Variants in CAMK1D observed in about 807,000 individuals in gnomAD.
CAMK1D encodes calcium/calmodulin dependent protein kinase ID.
CAMK1D carries 9 observed loss-of-function variants against 47.7 expected under a neutral mutation model. That is an observed-to-expected ratio of 0.19 (90% confidence interval 0.11 to 0.33). The LOEUF is 0.33. Ranked by LOEUF, CAMK1D falls within the 10% of genes least tolerant of loss-of-function variation. The pLI is 1.00. For missense variants in CAMK1D, 291 were observed against 488.7 expected, an observed-to-expected ratio of 0.60 and a Z score of 3.81; for synonymous variants, 184 against 184.9, an observed-to-expected ratio of 0.99 and a Z score of 0.04.
intron 2 of CAMK1D, among the ~76,000 whole-genome samples, chr10:12,625,551 G>A (rs1588704860): frequency 1.4e-5 from 2 of 144,756 alleles, no homozygotes; most frequent in Middle Eastern, 3.5e-3. Context: ...GGCTGGTCTC[G>A]AACTCCTGGG....
intron 2 of CAMK1D, among the ~76,000 whole-genome samples, chr10:12,587,907 G>A (rs181340809): frequency 2.6e-5 from 4 of 151,922 alleles, no homozygotes; most frequent in Non-Finnish European, 5.9e-5. Flanking sequence ...ACTTACTGAT[G>A]TATTAAAGAT....
chr10:12,734,509 C>CAT (rs1172658261), intron 3 of CAMK1D, among the ~76,000 whole-genome samples: 89 of 140,562 alleles, frequency 6.3e-4, no homozygotes, highest in African/African-American at 2.3e-3. Context: ...TACACACACA[C>CAT]ATATATATAC....
At position 12,523,757 on chromosome 10, in the gene CAMK1D, G is replaced by A. The variant is rs542724747; in HGVS notation, c.93-29468G>A. Among the ~76,000 whole-genome samples the A allele has an allele frequency of 2.0e-3, 306 of 152,202 alleles. 3 individuals carry two copies. The highest frequency in any genetic ancestry group is 2.9e-3 in the South Asian group (14 of 4,812). ...GTGGAAAGAGAGGGAGAGGGAGACCGTGGGGAGAGGGAGAGGGAGAGGGAG... is the reference window on the plus strand; with the variant it reads ...GTGGAAAGAGAGGGAGAGGGAGACCATGGGGAGAGGGAGAGGGAGAGGGAG... On this transcript the variant is annotated intron_variant, in intron 1 of 10. Coordinates refer to ENST00000619168, the MANE Select transcript of CAMK1D (RefSeq NM_153498.4).
At chr10:12,603,505 T>C (rs948130048) in intron 2 of CAMK1D, among the ~76,000 whole-genome samples, 30 of 152,228 alleles carry the variant, frequency 2.0e-4, no homozygotes, top group Non-Finnish European at 2.9e-5. Flanking sequence ...ACTTCTGCTG[T>C]TGTAATAGGT....
chr10:12,632,849 C>A (rs556900971), intron 2 of CAMK1D, among the ~76,000 whole-genome samples: 7 of 152,284 alleles, frequency 4.6e-5, no homozygotes, highest in South Asian at 4.1e-4. Context: ...CACGCACCAC[C>A]ACGCCCAGCT....
chr10:12,386,031 C>T (rs1462670507), intron 1 of CAMK1D, among the ~76,000 whole-genome samples: 2 of 152,186 alleles, frequency 1.3e-5, no homozygotes, highest in African/African-American at 4.8e-5. Context: ...CAGGCGTGAG[C>T]CACTGTGTCT....
intron 1 of CAMK1D, among the ~76,000 whole-genome samples, chr10:12,487,874 C>G (rs953828149): frequency 6.6e-6 from 1 of 152,146 alleles, no homozygotes; most frequent in African/African-American, 2.4e-5. Flanking sequence ...CATAAAAATA[C>G]CTATTTAATA....
At chr10:12,553,646 C>T (rs1264931334) in intron 2 of CAMK1D, among the ~76,000 whole-genome samples, 2 of 152,152 alleles carry the variant, frequency 1.3e-5, no homozygotes, top group African/African-American at 2.4e-5. Flanking sequence ...GACCGTGGGC[C>T]GGCTACAGAG....
At chr10:12,630,964 T>C (rs1354649960) in intron 2 of CAMK1D, among the ~76,000 whole-genome samples, 1 of 152,132 alleles carries the variant, frequency 6.6e-6, no homozygotes, top group Non-Finnish European at 1.5e-5. Context: ...GGTGATGCAT[T>C]ATCTTACGAC....
intron 6 of CAMK1D, among the ~76,000 whole-genome samples, chr10:12,813,407 A>ATGAACC (rs1358892609): frequency 3.9e-5 from 6 of 152,242 alleles, no homozygotes; most frequent in African/African-American, 7.2e-5. Flanking sequence ...CTGAAATAAA[A>ATGAACC]TGAACCTGGA....
intron 2 of CAMK1D, among the ~76,000 whole-genome samples, chr10:12,609,016 T>C (rs544055998): frequency 6.6e-6 from 1 of 152,362 alleles, no homozygotes; most frequent in African/African-American, 2.4e-5. Context: ...GTTTTGCTTA[T>C]TGTTGCTGTA....
intron 1 of CAMK1D, among the ~76,000 whole-genome samples, chr10:12,368,219 A>G (rs1359214949): frequency 6.6e-6 from 1 of 151,894 alleles, no homozygotes; most frequent in Non-Finnish European, 1.5e-5. Flanking sequence ...AAAAAATAAA[A>G]TAAAATGTTT....
intron 5 of CAMK1D, among the ~76,000 whole-genome samples, chr10:12,772,472 A>G (rs1395637299): frequency 1.3e-5 from 2 of 152,162 alleles, no homozygotes; most frequent in African/African-American, 2.4e-5. Context: ...GCCCCTAGCT[A>G]CGTACGCATC....
intron 1 of CAMK1D, among the ~76,000 whole-genome samples, chr10:12,438,162 C>T (rs959467054): frequency 5.9e-5 from 9 of 152,240 alleles, no homozygotes; most frequent in South Asian, 2.1e-4. Flanking sequence ...TTTTGAAGCA[C>T]GTGCTCTTTT....
At chr10:12,438,948 T>C (rs1362165988) in intron 1 of CAMK1D, among the ~76,000 whole-genome samples, 2 of 152,240 alleles carry the variant, frequency 1.3e-5, no homozygotes, top group African/African-American at 2.4e-5. Context: ...ATATTTCTAA[T>C]TGATTTTTTT....
At chr10:12,748,170 T>C (rs1359704241) in intron 3 of CAMK1D, among the ~76,000 whole-genome samples, 2 of 152,208 alleles carry the variant, frequency 1.3e-5, no homozygotes, top group East Asian at 3.9e-4. Context: ...CAGCTCATGG[T>C]ATTTAAACTC....
At chr10:12,510,478 C>G (rs1835008015) in intron 1 of CAMK1D, among the ~76,000 whole-genome samples, 1 of 152,168 alleles carries the variant, frequency 6.6e-6, no homozygotes, top group Non-Finnish European at 1.5e-5. Context: ...CCGAAGTTGT[C>G]TAAAGATCTT....
In CAMK1D at chr10:12,825,694, C is replaced by T. The variant is rs373315791; in HGVS notation, c.1039+4C>T. ...AGTTTGGCCAGCCAAAAAGACTGTG[C>T]GTATGTAGCAAAACCAGAATCCCTC... is the stretch of plus-strand genomic sequence containing the variant. On this transcript the variant is annotated splice_donor_region_variant and intron_variant, in intron 10 of 10. Coordinates refer to ENST00000619168, the MANE Select transcript of CAMK1D (RefSeq NM_153498.4). 1.1e-5 allele frequency: 18 copies of T among 1,614,118 alleles called. No individual in the cohort carries two copies. The highest frequency in any genetic ancestry group is 1.6e-4 in the Middle Eastern group (1 of 6,084).
chr10:12,412,816 GC>G (rs1839710576), intron 1 of CAMK1D, among the ~76,000 whole-genome samples: 1 of 151,966 alleles, frequency 6.6e-6, no homozygotes, highest in Non-Finnish European at 1.5e-5. Flanking sequence ...GAGTTTTCTA[GC>G]CCCTTCCCTC....
Sources: allele counts gnomAD v4.1 joint callset (sites outside exome capture counted in the v4.1 genomes callset), GRCh38; gene constraint gnomAD v4.1.1; transcripts MANE v1.5; gene names NCBI Gene and HGNC (gene_info 2026-07-23, HGNC 2026-07-21).